The following RELN variants were observed in gnomAD, a reference collection of about 807,000 sequenced individuals.
RELN encodes the protein reelin.
RELN carries 108 observed loss-of-function variants against 427.6 expected under a neutral mutation model. That is an observed-to-expected ratio of 0.25 (90% CI 0.22 to 0.30). The LOEUF is 0.30. Ranked by LOEUF, RELN falls within the 10% of genes least tolerant of loss-of-function variation. The pLI is 1.00. For missense variants in RELN, 3,715 were observed against 4,302.8 expected (o/e 0.86, Z 3.82); for synonymous variants, 1,524 against 1,513.4 (o/e 1.01, Z -0.16).
chr7:103,682,247 T>C lies in RELN; in HGVS notation c.1158A>G (p.Ser386=). ...PGATVKHSCQ[S]DGNSIYFHGN... is the part of the protein sequence containing the mutation. ...CATGGAAATAAATGGAGTTCCCATC[T>C]GACTGACAGCTATGCTGTAGGTGAA... Residue 386 remains serine, a synonymous_variant, in exon 11 of 65, where the codon TCA becomes TCG. Transcript: ENST00000428762. 6.2e-7 allele frequency: 1 copy of C among 1,614,066 alleles called. No homozygotes were observed. The highest frequency in any genetic ancestry group is 8.5e-7 in the Non-Finnish European group (1 of 1,179,934).
chr7:103,561,024 G>A (rs570861898), intron 36 of RELN, among the ~76,000 whole-genome samples: 32 of 152,002 alleles, frequency 2.1e-4, no homozygotes, highest in Non-Finnish European at 3.7e-4. Flanking sequence ...TCACACAATT[G>A]CTTAACATTC....
At chr7:103,883,092 T>A (rs1173220111) in intron 2 of RELN, among the ~76,000 whole-genome samples, 1 of 152,156 alleles carries the variant, frequency 6.6e-6, no homozygotes, top group Non-Finnish European at 1.5e-5. Flanking sequence ...TCCACCACAA[T>A]CAAGTTGATT....
At chr7:103,530,876 A>G (rs1008944159) in intron 46 of RELN, among the ~76,000 whole-genome samples, 4 of 152,214 alleles carry the variant, frequency 2.6e-5, no homozygotes, top group African/African-American at 7.2e-5. Context: ...ACTAAATTAT[A>G]TAGAGCAGGT....
chr7:103,914,777 AT>A (rs1199585054), intron 2 of RELN, among the ~76,000 whole-genome samples: 1 of 152,074 alleles, frequency 6.6e-6, no homozygotes, highest in Non-Finnish European at 1.5e-5. Flanking sequence ...CTGAACTCTT[AT>A]CCCCCCACAT....
At chr7:103,505,184 C>A (rs1829167548) in intron 51 of RELN, among the ~76,000 whole-genome samples, 1 of 152,210 alleles carries the variant, frequency 6.6e-6, no homozygotes, top group Admixed American at 6.5e-5. Context: ...CTGAAGAGAG[C>A]AGCGGTTCTC....
At chr7:103,922,027 C>G (rs528209216) in intron 1 of RELN, among the ~76,000 whole-genome samples, 1 of 152,250 alleles carries the variant, frequency 6.6e-6, no homozygotes, top group South Asian at 2.1e-4. Context: ...AGAAGCTCAA[C>G]TTTTGTTGAA....
chr7:103,561,592 T>C lies in RELN; in HGVS notation c.5469A>G (p.Ala1823=), dbSNP rs749641425. 6.2e-7 allele frequency: 1 copy of C among 1,613,942 alleles called. No individual in the cohort carries two copies. The highest frequency in any genetic ancestry group is 8.5e-7 in the Non-Finnish European group (1 of 1,179,836). The change falls in exon 36 of 65, where the codon GCA becomes GCG. Residue 1823 remains alanine, a synonymous_variant. Transcript: ENST00000428762. ...TTTCACCATTCAGATTCCCCCTCTCTGCACCATACACTTCAGGCCAAAGGT... is the reference window on the plus strand; with the variant it reads ...TTTCACCATTCAGATTCCCCCTCTCCGCACCATACACTTCAGGCCAAAGGT... The part of the protein sequence containing the change: ...HPDLWPEVYG[A]ERGNLNGETI...
intron 64 of RELN, 111 bp from the exon 65 acceptor site, chr7:103,473,019 T>G: frequency 2.0e-6 from 2 of 978,538 alleles, no homozygotes; most frequent in Non-Finnish European, 3.3e-6. Flanking sequence ...GATATTTGTT[T>G]GAAAATTTTC....
At chr7:103,757,398 G>A (rs1403770678) in intron 4 of RELN, among the ~76,000 whole-genome samples, 1 of 151,926 alleles carries the variant, frequency 6.6e-6, no homozygotes, top group Non-Finnish European at 1.5e-5. Flanking sequence ...CATTTTATTG[G>A]TCTGTTACTG....
At chr7:103,709,900 A>G (rs1789751123) in intron 8 of RELN, among the ~76,000 whole-genome samples, 1 of 152,222 alleles carries the variant, frequency 6.6e-6, no homozygotes, top group African/African-American at 2.4e-5. Context: ...CTATAAGACA[A>G]GGCAAAAGCA....
intron 8 of RELN, among the ~76,000 whole-genome samples, chr7:103,712,498 A>G (rs1368387510): frequency 1.3e-5 from 2 of 152,240 alleles, no homozygotes; most frequent in African/African-American, 4.8e-5. Context: ...TAATTCAAAT[A>G]ACTTAATTAA....
chr7:103,598,278 T>C (rs1201460784), intron 24 of RELN, among the ~76,000 whole-genome samples: 1 of 152,242 alleles, frequency 6.6e-6, no homozygotes, highest in Non-Finnish European at 1.5e-5. Flanking sequence ...GGTATGTATT[T>C]GAGGAAATCT....
intron 33 of RELN, 52 bp from the exon 34 acceptor site, chr7:103,565,603 T>C (rs766829220): frequency 6.4e-7 from 1 of 1,569,538 alleles, no homozygotes; most frequent in Non-Finnish European, 8.7e-7. Flanking sequence ...ATTTTCTTAT[T>C]TGGTGTTTAT....
intron 1 of RELN, among the ~76,000 whole-genome samples, chr7:103,942,088 A>G (rs950608767): frequency 3.9e-5 from 6 of 152,202 alleles, no homozygotes; most frequent in African/African-American, 1.4e-4. Flanking sequence ...TTGTGCCTAT[A>G]ACACTTATTA....
At chr7:103,481,474 A>C (rs558713902) in intron 63 of RELN, among the ~76,000 whole-genome samples, 1 of 152,244 alleles carries the variant, frequency 6.6e-6, no homozygotes, top group African/African-American at 2.4e-5. Context: ...CTCTCATTTT[A>C]TTATCTACCA....
intron 6 of RELN, among the ~76,000 whole-genome samples, chr7:103,733,916 T>A (rs1048449604): frequency 7.2e-6 from 1 of 138,784 alleles, no homozygotes; most frequent in Non-Finnish European, 1.6e-5. Context: ...AATGTGCACA[T>A]GTACCCTAAA....
chr7:103,551,937 G>C (rs532409015), intron 40 of RELN, among the ~76,000 whole-genome samples: 3 of 141,382 alleles, frequency 2.1e-5, no homozygotes, highest in African/African-American at 7.9e-5. Context: ...GTGTGTGTGT[G>C]GGTGTGTGTG....
chr7:103,524,361 A>T (rs1829777913), intron 46 of RELN, among the ~76,000 whole-genome samples: 1 of 152,200 alleles, frequency 6.6e-6, no homozygotes, highest in Non-Finnish European at 1.5e-5. Flanking sequence ...AGCATAATAA[A>T]TGAGACCAGA....
chr7:103,562,272 T>A (rs948638702), intron 34 of RELN, among the ~76,000 whole-genome samples: 7 of 152,194 alleles, frequency 4.6e-5, no homozygotes, highest in African/African-American at 1.7e-4. Flanking sequence ...CATGCAGAAT[T>A]TCAGTTTTTG....
Sources: allele counts gnomAD v4.1 joint callset (sites outside exome capture counted in the v4.1 genomes callset), GRCh38; gene constraint gnomAD v4.1.1; transcripts MANE v1.5; gene names NCBI Gene and HGNC (gene_info 2026-07-23, HGNC 2026-07-21).